MX2: variants seen among roughly 807,000 people sequenced by gnomAD.
The protein encoded by MX2 is MX dynamin like GTPase 2.
MX2 carries 51 observed loss-of-function variants against 74.0 expected under a neutral mutation model. That is an observed-to-expected ratio of 0.69 (90% CI 0.55 to 0.87). The LOEUF is 0.87. Ranked by LOEUF, MX2 falls within the 40% of genes least tolerant of loss-of-function variation. The pLI is 0.00. For synonymous variants in MX2, 369 were observed against 339.3 expected (o/e 1.09, Z -0.96); for missense variants, 832 against 908.7 (o/e 0.92, Z 1.09).
chr21:41,391,095 G>A (rs562582479), intron 6 of MX2, among the ~76,000 whole-genome samples: 130 of 152,000 alleles, frequency 8.6e-4, no homozygotes, highest in South Asian at 1.7e-3. Context: ...ATCCTGGAAC[G>A]TATCATATGC....
intron 4 of MX2, 123 bp from the exon 5 acceptor site, chr21:41,382,286 TA>T: frequency 2.4e-6 from 3 of 1,259,988 alleles, no homozygotes; most frequent in South Asian, 1.6e-5. Context: ...AAATGTTTTC[TA>T]AACACCAGGG....
chr21:41,382,641 C>T, intron 5 of MX2, 77 bp downstream of exon 5: 1 of 1,559,506 alleles, frequency 6.4e-7, no homozygotes, highest in Non-Finnish European at 8.8e-7. Flanking sequence ...TCCTGGTGTA[C>T]CTCCTGGAGC....
chr21:41,369,909 A>G (rs1378234646), intron 1 of MX2, among the ~76,000 whole-genome samples: 4 of 149,560 alleles, frequency 2.7e-5, no homozygotes, highest in African/African-American at 9.8e-5. Flanking sequence ...AAGTCGGGGA[A>G]CTTCCAGGAA....
In MX2 at chr21:41,377,082, T is replaced by C. The variant is rs546797403; in HGVS notation, c.176T>C (p.Leu59Pro). 4 of 1,614,208 alleles carry C rather than the reference T, an allele frequency of 2.5e-6. No homozygotes were observed. The highest frequency in any genetic ancestry group is 3.4e-6 in the Non-Finnish European group (4 of 1,180,038). ...GGGGCAGAGAAGGACGCTGCTTTCC[T>C]CGCCAAGGACTTCAACTTTCTCACT... ...WQGAEKDAAF[L>P]AKDFNFLTLN... The change falls in exon 2 of 14, where the codon CTC becomes CCC. Residue 59 changes from leucine to proline, a missense_variant. Leu to Pro is a moderately conservative substitution (Grantham distance 98). Coordinates refer to ENST00000330714, the MANE Select transcript of MX2 (RefSeq NM_002463.2).
At chr21:41,386,980 A>G (rs201400737) in intron 5 of MX2, among the ~76,000 whole-genome samples, 29 of 151,636 alleles carry the variant, frequency 1.9e-4, no homozygotes, top group East Asian at 1.7e-3. Flanking sequence ...GCTGCTAAAA[A>G]CCTAAAACAA....
intron 6 of MX2, among the ~76,000 whole-genome samples, chr21:41,393,029 CTGAGACGAAGTTTGCAG>C (rs2089681485): frequency 6.8e-6 from 1 of 146,202 alleles, no homozygotes; most frequent in African/African-American, 2.5e-5. Context: ...TCGCTTGAAC[CTGAGACGAAGTTTGCAG>C]TGAGCCGAGA....
intron 5 of MX2, 148 bp downstream of exon 5, chr21:41,382,712 GC>G: frequency 9.4e-7 from 1 of 1,068,446 alleles, no homozygotes; most frequent in Non-Finnish European, 1.3e-6. Flanking sequence ...GGGGCCTCAT[GC>G]CCAGGTTCTG....
chr21:41,407,872 G>A, intron 13 of MX2, 119 bp from the exon 14 acceptor site: 3 of 1,350,070 alleles, frequency 2.2e-6, no homozygotes, highest in Non-Finnish European at 3.1e-6. Context: ...AGGTGGGCGA[G>A]ACCACCAGGG....
chr21:41,399,309 A>G lies in MX2; in HGVS notation c.1386A>G (p.Val462=). The change falls in exon 10 of 14, where the codon GTA becomes GTG. Residue 462 remains valine, a synonymous_variant. Transcript: ENST00000330714. ...TCAGAGAGGATTTTAAAAACTGGGT[A>G]GGCATACTTGCAACTAATACCCAAA... is the stretch of plus-strand genomic sequence containing the variant. The part of the protein sequence containing the change: ...NKIREDFKNW[V]GILATNTQKV... The G allele has an allele frequency of 6.2e-7, 1 of 1,614,138 alleles. No individual in the cohort carries two copies. The highest frequency in any genetic ancestry group is 2.2e-5 in the East Asian group (1 of 44,882).
intron 5 of MX2, among the ~76,000 whole-genome samples, chr21:41,384,514 G>T (rs1001048094): frequency 6.6e-6 from 1 of 152,180 alleles, no homozygotes; most frequent in Non-Finnish European, 1.5e-5. Flanking sequence ...AAAGGGCTTT[G>T]TTTCTCTACA....
intron 5 of MX2, among the ~76,000 whole-genome samples, chr21:41,384,329 C>T (rs1180486245): frequency 6.6e-6 from 1 of 152,172 alleles, no homozygotes; most frequent in Non-Finnish European, 1.5e-5. Flanking sequence ...TTCCTCCTGC[C>T]ACTTCATCCT....
intron 6 of MX2, 94 bp from the exon 7 acceptor site, chr21:41,395,493 G>T (rs1240392663): frequency 6.1e-6 from 7 of 1,145,750 alleles, no homozygotes; most frequent in Non-Finnish European, 7.6e-6. Flanking sequence ...AGAAGACCTT[G>T]TTGGCCAAAA....
intron 5 of MX2, among the ~76,000 whole-genome samples, chr21:41,386,237 A>AC (rs1360560204): frequency 2.1e-5 from 3 of 143,638 alleles, no homozygotes; most frequent in African/African-American, 5.2e-5. Context: ...AAAAAAAAAA[A>AC]AAAAAAAAAA....
In MX2 at chr21:41,368,041, T is replaced by C. The variant is rs2089282876; in HGVS notation, c.-72+5986T>C. Among the ~76,000 whole-genome samples the C allele has an allele frequency of 6.6e-6, 1 of 152,132 alleles. No homozygotes were observed. Among genetic ancestry groups the C allele is most frequent in the African/African-American group, 2.4e-5 (1 of 41,422 alleles). ...TCAAGACCTGCACTTTCTCTTCAAG[T>C]CAAGGTCCACAGCTCCCATGCTCTG... On this transcript the variant is annotated intron_variant, in intron 1 of 13. Coordinates refer to ENST00000330714, the MANE Select transcript of MX2 (RefSeq NM_002463.2). This position sits in a 1 kb window ranked among gnomAD's most constrained non-coding sequence, Gnocchi z 4.6.
At chr21:41,398,538 C>G (rs2089765174) in intron 8 of MX2, among the ~76,000 whole-genome samples, 1 of 152,108 alleles carries the variant, frequency 6.6e-6, no homozygotes, top group African/African-American at 2.4e-5. Context: ...TTAAATGTAC[C>G]CTTAGAGCAA....
At chr21:41,394,559 A>G (rs996860534) in intron 6 of MX2, among the ~76,000 whole-genome samples, 2 of 152,178 alleles carry the variant, frequency 1.3e-5, no homozygotes, top group African/African-American at 2.4e-5. Context: ...TTTCTCGTAT[A>G]TTACTAGATT....
At chr21:41,370,285 C>T (rs398800) in intron 1 of MX2, 1 of 152,100 alleles carries the variant, frequency 6.6e-6, no homozygotes, top group Non-Finnish European at 1.5e-5. Flanking sequence ...AAAGCTGTGA[C>T]GAGCAGAGGA....
Position 41,395,450 on chromosome 21 carries a change from G to A in MX2, c.872-137G>A, listed in dbSNP as rs1004288812. ...AAGAAGAGGGGCAATGAGGGAATGA[G>A]GATGGAATGAGGCACTGGAGGATCA... On this transcript the variant is annotated intron_variant, in intron 6 of 13. Coordinates refer to ENST00000330714, the MANE Select transcript of MX2 (RefSeq NM_002463.2). The A allele has an allele frequency of 6.6e-5, 45 of 683,282 alleles. 1 individual carries two copies. In the South Asian group the frequency reaches 7.8e-4, roughly 12 times the overall value. The allele number at this position is 683,282 out of a possible 1,614,324, so 42.3% of individuals were successfully genotyped here.
intron 12 of MX2, among the ~76,000 whole-genome samples, chr21:41,406,132 G>A (rs528214940): frequency 6.6e-6 from 1 of 152,324 alleles, no homozygotes; most frequent in African/African-American, 2.4e-5. Flanking sequence ...GGGATTGCAG[G>A]CGTGTGCCAC....
Sources: gnomAD v4.1 joint callset for allele counts (sites outside exome capture counted in the v4.1 genomes callset) on GRCh38, gnomAD v4.1.1 for gene constraint, Gnocchi (gnomAD v3.1) non-coding constraint, MANE v1.5 for transcripts, NCBI Gene and HGNC (gene_info 2026-07-23, HGNC 2026-07-21) for gene names.